The following MALRD1 variants were observed in gnomAD, a reference collection of about 807,000 sequenced individuals.
MALRD1 encodes MAM and LDL receptor class A domain containing 1.
Under a neutral mutation model 242.1 loss-of-function variants are expected in MALRD1, and 247 were observed. The observed-to-expected ratio is 1.02, with a 90% CI of 0.92 to 1.13. The LOEUF is 1.13. MALRD1 is among the 50% of genes most tolerant of loss of function. MALRD1 has a pLI of 0.00. For synonymous variants in MALRD1, 995 were observed against 866.6 expected, an observed-to-expected ratio of 1.15 and a Z score of -2.60; for missense variants, 2,989 against 2,533.1, an observed-to-expected ratio of 1.18 and a Z score of -3.86.
chr10:19,391,655 GA>G (rs1846341928), intron 28 of MALRD1, among the ~76,000 whole-genome samples: 1 of 152,186 alleles, frequency 6.6e-6, no homozygotes, highest in South Asian at 2.1e-4. Context: ...CAATCGGGAA[GA>G]CTCGACCTTT....
At chr10:19,358,527 G>A (rs904337818) in intron 26 of MALRD1, among the ~76,000 whole-genome samples, 3 of 152,134 alleles carry the variant, frequency 2.0e-5, no homozygotes, top group African/African-American at 7.2e-5. Flanking sequence ...TGCAAAGTAC[G>A]TGTTACATGC....
At chr10:19,298,853 C>A (rs151313274) in intron 21 of MALRD1, among the ~76,000 whole-genome samples, 3 of 151,984 alleles carry the variant, frequency 2.0e-5, no homozygotes, top group Non-Finnish European at 2.9e-5. Context: ...CAGAAGTCAA[C>A]GTTTATCTTC....
At chr10:19,654,164 C>T (rs1354806705) in intron 36 of MALRD1, among the ~76,000 whole-genome samples, 1 of 152,092 alleles carries the variant, frequency 6.6e-6, no homozygotes, top group Non-Finnish European at 1.5e-5. Flanking sequence ...ATAAGCACTG[C>T]CATCTACCTG....
In MALRD1 at chr10:19,064,769, C is replaced by CAA. The variant is rs147678284; in HGVS notation, c.200-1929_200-1928dup. Among the ~76,000 whole-genome samples the CAA allele has an allele frequency of 4.1e-3, 261 of 63,042 alleles. 3 individuals carry two copies. Among genetic ancestry groups the CAA allele is most frequent in the East Asian group, 0.031 (79 of 2,568 alleles). The allele number at this position is 63,042 out of a possible 152,430, so 41.4% of individuals were successfully genotyped here. ...TGGGCGACAGAAAGAAACTCTGTCTCAAAAAAAAAAAAAAAAAAAAAATTG... is the reference window on the plus strand; with the variant it reads ...TGGGCGACAGAAAGAAACTCTGTCTCAAAAAAAAAAAAAAAAAAAAAAAATTG... On this transcript the variant is annotated intron_variant, in intron 1 of 39. Transcript: ENST00000454679.
chr10:19,126,631 C>G (rs111666159), intron 7 of MALRD1, among the ~76,000 whole-genome samples: 9,071 of 151,764 alleles, frequency 0.06, 297 homozygotes, highest in South Asian at 0.14. Context: ...TTTCTTTTTT[C>G]TACAATTTAT....
intron 38 of MALRD1, among the ~76,000 whole-genome samples, chr10:19,705,035 C>T (rs902401210): frequency 5.1e-4 from 77 of 152,220 alleles, no homozygotes; most frequent in African/African-American, 1.7e-3. Context: ...TAGCTAACCC[C>T]GTGAGAGGTA....
intron 28 of MALRD1, among the ~76,000 whole-genome samples, chr10:19,407,341 A>T (rs956283538): frequency 2.6e-5 from 4 of 151,978 alleles, no homozygotes; most frequent in African/African-American, 9.7e-5. Context: ...CAATAGCCAG[A>T]TGTGGTGGTG....
chr10:19,559,182 C>T (rs550702983), intron 32 of MALRD1, among the ~76,000 whole-genome samples: 15 of 151,282 alleles, frequency 9.9e-5, no homozygotes, highest in Middle Eastern at 6.8e-3. Context: ...GACTCTGTCT[C>T]AATAATAATA....
intron 36 of MALRD1, among the ~76,000 whole-genome samples, chr10:19,688,217 C>T (rs905472238): frequency 4.6e-5 from 7 of 152,090 alleles, no homozygotes; most frequent in South Asian, 2.1e-4. Context: ...ACGATGTGCC[C>T]GCCTTGGCCT....
chr10:19,138,963 T>C (rs1833449334), intron 10 of MALRD1, among the ~76,000 whole-genome samples: 1 of 152,230 alleles, frequency 6.6e-6, no homozygotes, highest in African/African-American at 2.4e-5. Context: ...AAAACAGTGT[T>C]ACTTATTAGT....
chr10:19,650,021 G>A (rs1445233094), intron 36 of MALRD1, among the ~76,000 whole-genome samples: 1 of 151,892 alleles, frequency 6.6e-6, no homozygotes, highest in Non-Finnish European at 1.5e-5. Flanking sequence ...TATGCTCAAA[G>A]AATTAAAGGA....
intron 26 of MALRD1, among the ~76,000 whole-genome samples, chr10:19,383,137 T>C (rs1204101595): frequency 6.6e-6 from 1 of 152,122 alleles, no homozygotes; most frequent in East Asian, 1.9e-4. Flanking sequence ...GGTGTACTGA[T>C]TATTTTGTCA....
At chr10:19,061,885 A>G (rs1834832777) in intron 1 of MALRD1, among the ~76,000 whole-genome samples, 1 of 152,216 alleles carries the variant, frequency 6.6e-6, no homozygotes, top group African/African-American at 2.4e-5. Context: ...GATTTATTCA[A>G]TATGACACCA....
intron 18 of MALRD1, 74 bp downstream of exon 18, chr10:19,209,754 T>C: frequency 7.4e-7 from 1 of 1,359,640 alleles, no homozygotes; most frequent in Non-Finnish European, 9.8e-7. Context: ...GATCGCTGTA[T>C]TCTCTAATTA....
At chr10:19,234,281 T>C (rs1419766867) in intron 18 of MALRD1, among the ~76,000 whole-genome samples, 1 of 152,066 alleles carries the variant, frequency 6.6e-6, no homozygotes, top group African/African-American at 2.4e-5. Flanking sequence ...AAAATCCCTA[T>C]TAAGAAACTA....
chr10:19,437,362 T>C (rs1834390614), intron 28 of MALRD1, among the ~76,000 whole-genome samples: 1 of 152,066 alleles, frequency 6.6e-6, no homozygotes, highest in Admixed American at 6.6e-5. Context: ...ACTGATATGA[T>C]TTTCTTTCTT....
At chr10:19,625,534 A>T (rs2131634417) in intron 36 of MALRD1, among the ~76,000 whole-genome samples, 1 of 152,180 alleles carries the variant, frequency 6.6e-6, no homozygotes, top group East Asian at 1.9e-4. Context: ...AAGGAAAGAG[A>T]TATGATTCTA....
intron 1 of MALRD1, among the ~76,000 whole-genome samples, chr10:19,054,002 G>C (rs1834589356): frequency 6.6e-6 from 1 of 151,942 alleles, no homozygotes; most frequent in Admixed American, 6.6e-5. Context: ...TAATTTGTAG[G>C]TCTAATAACT....
chr10:19,491,021 G>A (rs1837470827), intron 29 of MALRD1: 1 of 196,536 alleles, frequency 5.1e-6, no homozygotes, highest in African/African-American at 2.3e-5. Context: ...GAAATAGACA[G>A]TTGCTTTAAC....
Sources: gnomAD v4.1 joint callset for allele counts (sites outside exome capture counted in the v4.1 genomes callset) on GRCh38, gnomAD v4.1.1 for gene constraint, MANE v1.5 for transcripts, NCBI Gene and HGNC (gene_info 2026-07-23, HGNC 2026-07-21) for gene names.